The following PLG variants were observed in gnomAD, a reference collection of about 807,000 sequenced individuals.
PLG encodes plasminogen.
A neutral mutation model predicts 104.4 loss-of-function variants in PLG; 41 were observed. The ratio of observed to expected loss-of-function variants is 0.39; its 90% CI spans 0.31 to 0.51. The LOEUF is 0.51. Ranked by LOEUF, PLG falls within the 20% of genes least tolerant of loss-of-function variation. The probability of loss-of-function intolerance (pLI) is 0.76; values close to 1 mark genes in which losing one functional copy is unlikely to be tolerated. For synonymous variants in PLG, 337 were observed against 357.1 expected (o/e 0.94, Z 0.63); for missense variants, 891 against 1,003.6 (o/e 0.89, Z 1.52).
chr6:160,704,236 G>A (rs1243023290), intron 1 of PLG, among the ~76,000 whole-genome samples: 2 of 152,278 alleles, frequency 1.3e-5, no homozygotes, highest in African/African-American at 4.8e-5. Flanking sequence ...AAGAAAAAAT[G>A]GGGGAAAATT....
chr6:160,741,747 T>C lies in PLG; in HGVS notation c.2125+330T>C, dbSNP rs1303812523. On this transcript the variant is annotated intron_variant, in intron 17 of 18. Transcript: ENST00000308192. This position sits in a 1 kb window ranked among gnomAD's most constrained non-coding sequence, Gnocchi z 4.7. ...AAACAGTGGTTTGTCATGCAGATTA[T>C]TTTGTCACCTAGGTACTAACCCTAG... Among the ~76,000 whole-genome samples the C allele has an allele frequency of 1.3e-5, 2 of 152,212 alleles. No homozygotes were observed. Among genetic ancestry groups the C allele is most frequent in the African/African-American group, 4.8e-5 (2 of 41,446 alleles).
At chr6:160,716,000 A>G (rs1230751246) in intron 6 of PLG, among the ~76,000 whole-genome samples, 1 of 152,194 alleles carries the variant, frequency 6.6e-6, no homozygotes, top group Non-Finnish European at 1.5e-5. Flanking sequence ...CCAGCCCCAT[A>G]CTGCATGGTG....
chr6:160,712,926 T>G, intron 4 of PLG, 60 bp from the exon 5 acceptor site: 2 of 1,333,366 alleles, frequency 1.5e-6, no homozygotes, highest in Admixed American at 1.7e-5. Context: ...CCTTCTGCCT[T>G]GCTAATAGCA....
At position 160,706,218 on chromosome 6, in the gene PLG, T is replaced by C; in HGVS notation, c.50-189T>C. ...CCAGTGTCTTTAGTTGCCATCTTTA[T>C]TTATGTCCAAATGCCCGACTGTGTG... On this transcript the variant is annotated intron_variant, in intron 1 of 18. Coordinates refer to ENST00000308192, the MANE Select transcript of PLG (RefSeq NM_000301.5). 4 of 733,134 alleles carry C rather than the reference T, an allele frequency of 5.5e-6. No homozygotes were observed. In the South Asian group the frequency reaches 7.2e-5, roughly 13 times the overall value. The allele number at this position is 733,134 out of a possible 1,614,324, so 45.4% of individuals were successfully genotyped here. A position where few individuals can be genotyped will look rare whatever the true frequency, so the allele number is the denominator to read the frequency against.
At chr6:160,722,017 A>T (rs1253168453) in intron 9 of PLG, among the ~76,000 whole-genome samples, 4 of 152,310 alleles carry the variant, frequency 2.6e-5, no homozygotes, top group Admixed American at 6.5e-5. Context: ...AAGGAGCTAG[A>T]GAAATGTGCA....
Position 160,725,179 on chromosome 6 carries a change from C to A in PLG, c.1256+2612C>A, listed in dbSNP as rs1044022725. Among the ~76,000 whole-genome samples the A allele has an allele frequency of 2.0e-5, 3 of 152,076 alleles. No homozygotes were observed. Among genetic ancestry groups the A allele is most frequent in the African/African-American group, 4.8e-5 (2 of 41,386 alleles). The stretch of plus-strand genomic sequence containing the variant: ...GCAGTGAGCTGAGATCGTGCCATTA[C>A]GGTCCAACCTGGGTGACAGAGCGAG... On this transcript the variant is annotated intron_variant, in intron 10 of 18. Transcript: ENST00000308192. The surrounding 1 kb of genome is among the most constrained non-coding windows in gnomAD (Gnocchi z 6.3).
chr6:160,704,195 T>C (rs1025205309), intron 1 of PLG, among the ~76,000 whole-genome samples: 1 of 152,222 alleles, frequency 6.6e-6, no homozygotes, highest in African/African-American at 2.4e-5. Flanking sequence ...TCAAATCCTA[T>C]TGCCATATGA....
At position 160,738,345 on chromosome 6, in the gene PLG, G is replaced by A. The variant is rs1778123755; in HGVS notation, c.1803-193G>A. ...AAGCATCGGAAAAATTGGCATAGAT[G>A]GGCCCTTCTCAAAAATCCCACTCCT... On this transcript the variant is annotated intron_variant, in intron 14 of 18. Coordinates refer to ENST00000308192, the MANE Select transcript of PLG (RefSeq NM_000301.5). This position sits in a 1 kb window ranked among gnomAD's most constrained non-coding sequence, Gnocchi z 6.8. 7 of 604,800 alleles carry A rather than the reference G, an allele frequency of 1.2e-5. No individual in the cohort carries two copies. The highest frequency in any genetic ancestry group is 5.3e-5 in the South Asian group (3 of 56,774). The allele number at this position is 604,800 out of a possible 1,614,324, so 37.5% of individuals were successfully genotyped here. A position where few individuals can be genotyped will look rare whatever the true frequency, so the allele number is the denominator to read the frequency against.
chr6:160,737,113 T>C lies in PLG; in HGVS notation c.1802+106T>C. On this transcript the variant is annotated intron_variant, in intron 14 of 18. Coordinates refer to ENST00000308192, the MANE Select transcript of PLG (RefSeq NM_000301.5). This position sits in a 1 kb window ranked among gnomAD's most constrained non-coding sequence, Gnocchi z 4.7. ...CACAGCTGAGGCATCAGCACCTGCC[T>C]CTAAGTTTTCTGAAGGAGGAAAAAA... The C allele has an allele frequency of 7.0e-7, 1 of 1,421,624 alleles. No individual in the cohort carries two copies. The highest frequency in any genetic ancestry group is 1.3e-5 in the South Asian group (1 of 79,350). 88.1% of individuals were successfully genotyped at this position (1,421,624 alleles called of 1,614,324 possible). A position where few individuals can be genotyped will look rare whatever the true frequency, so the allele number is the denominator to read the frequency against.
intron 7 of PLG, among the ~76,000 whole-genome samples, chr6:160,717,204 G>T (rs971761136): frequency 1.2e-4 from 19 of 152,180 alleles, no homozygotes; most frequent in African/African-American, 4.6e-4. Flanking sequence ...GGAGCAGAGG[G>T]TGAGTGGTGG....
Position 160,740,842 on chromosome 6 carries a change from A to T in PLG, c.2019-469A>T, listed in dbSNP as rs1778180102. On this transcript the variant is annotated intron_variant, in intron 16 of 18. Coordinates refer to ENST00000308192, the MANE Select transcript of PLG (RefSeq NM_000301.5). This position sits in a 1 kb window ranked among gnomAD's most constrained non-coding sequence, Gnocchi z 5.2. ...ATTCTTACAACTATGGCGTAGTAAC[A>T]TTCACTGAGGAGGAAATGGAGGATC... is the stretch of plus-strand genomic sequence containing the variant. 6.6e-6 allele frequency among the ~76,000 whole-genome samples: 1 copy of T among 152,188 alleles called. No homozygotes were observed. Among genetic ancestry groups the T allele is most frequent in the African/African-American group, 2.4e-5 (1 of 41,432 alleles).
At chr6:160,717,232 AGAG>A (rs1777750918) in intron 7 of PLG, among the ~76,000 whole-genome samples, 1 of 152,156 alleles carries the variant, frequency 6.6e-6, no homozygotes, top group South Asian at 2.1e-4. Context: ...GAAGAGTTCA[AGAG>A]GAGAAGATGA....
chr6:160,704,605 T>C (rs1434454432), intron 1 of PLG, among the ~76,000 whole-genome samples: 1 of 152,204 alleles, frequency 6.6e-6, no homozygotes, highest in Non-Finnish European at 1.5e-5. Flanking sequence ...GACATGGATA[T>C]GGGCCTAAAG....
intron 17 of PLG, among the ~76,000 whole-genome samples, chr6:160,745,159 T>A (rs1274531934): frequency 1.3e-5 from 2 of 152,172 alleles, no homozygotes; most frequent in Non-Finnish European, 2.9e-5. Flanking sequence ...TGTAGAGGTC[T>A]ATCAGATCCA....
intron 10 of PLG, among the ~76,000 whole-genome samples, chr6:160,728,755 AG>A (rs1777956119): frequency 6.6e-6 from 1 of 152,168 alleles, no homozygotes. Flanking sequence ...AATGTGCAAA[AG>A]CTCCTAGATC....
chr6:160,731,459 G>A lies in PLG; in HGVS notation c.1438+227G>A, dbSNP rs778386017. On this transcript the variant is annotated intron_variant, in intron 11 of 18. Coordinates refer to ENST00000308192, the MANE Select transcript of PLG (RefSeq NM_000301.5). This position sits in a 1 kb window ranked among gnomAD's most constrained non-coding sequence, Gnocchi z 5.1. ...TTAGGACAGGTGCAAACCCTCCAAG[G>A]TGCTCAACTTAACCACTCACCTTGT... 4.6e-5 allele frequency among the ~76,000 whole-genome samples: 7 copies of A among 152,156 alleles called. No homozygotes were observed. Among genetic ancestry groups the A allele is most frequent in the Non-Finnish European group, 8.8e-5 (6 of 68,038 alleles).
chr6:160,710,967 G>T, intron 3 of PLG, 110 bp from the exon 4 acceptor site: 1 of 951,350 alleles, frequency 1.1e-6, no homozygotes, highest in South Asian at 1.3e-5. Flanking sequence ...TTAGAAAGCA[G>T]AAACAGGGGG....
chr6:160,713,393 C>A lies in PLG; in HGVS notation c.547+268C>A, dbSNP rs1276073376. On this transcript the variant is annotated intron_variant, in intron 5 of 18. Coordinates refer to ENST00000308192, the MANE Select transcript of PLG (RefSeq NM_000301.5). Reference sequence around the variant, plus strand: ...CAAGAGATTCTGCTACCTCAGCCTCCCAAGTAGCTGGGATTACAGGCATGT... The same window carrying A: ...CAAGAGATTCTGCTACCTCAGCCTCACAAGTAGCTGGGATTACAGGCATGT... 1.3e-5 allele frequency: 5 copies of A among 399,418 alleles called. No individual in the cohort carries two copies. In the East Asian group the frequency reaches 2.3e-4, roughly 18 times the overall value. 24.7% of individuals were successfully genotyped at this position (399,418 alleles called of 1,614,324 possible).
At chr6:160,718,665 G>C in intron 8 of PLG, 28 bp from the exon 9 acceptor site, 3 of 1,613,110 alleles carry the variant, frequency 1.9e-6, no homozygotes, top group Non-Finnish European at 2.5e-6. Context: ...TTTTTGGAAA[G>C]CTAAACTCAC....
Sources: allele counts gnomAD v4.1 joint callset (sites outside exome capture counted in the v4.1 genomes callset), GRCh38; gene constraint gnomAD v4.1.1; non-coding constraint Gnocchi (gnomAD v3.1); transcripts MANE v1.5; gene names NCBI Gene and HGNC (gene_info 2026-07-23, HGNC 2026-07-21).